Variants in THADA observed in about 807,000 individuals in gnomAD.
THADA encodes THADA armadillo repeat containing.
In THADA, 213 loss-of-function variants were observed where a neutral mutation model predicts 219.8. The ratio of observed to expected loss-of-function variants is 0.97; its 90% CI spans 0.87 to 1.09. The LOEUF is 1.09. THADA is among the 50% of genes least tolerant of loss of function. The pLI is 0.00. For synonymous variants in THADA, 1,018 were observed against 828.9 expected, an observed-to-expected ratio of 1.23 and a Z score of -3.92; for missense variants, 2,956 against 2,311.3, an observed-to-expected ratio of 1.28 and a Z score of -5.72.
chr2:43,516,998 T>G (rs1402211782), intron 22 of THADA, among the ~76,000 whole-genome samples: 3 of 152,214 alleles, frequency 2.0e-5, no homozygotes, highest in Non-Finnish European at 4.4e-5. Context: ...TCATGTTTTA[T>G]TCAGGTTACT....
At chr2:43,490,928 C>T (rs969773412) in intron 25 of THADA, among the ~76,000 whole-genome samples, 2 of 152,060 alleles carry the variant, frequency 1.3e-5, no homozygotes, top group Non-Finnish European at 2.9e-5. Context: ...AAAATACATA[C>T]TCTGTTTTAG....
chr2:43,423,237 C>T (rs1276896724), intron 28 of THADA, among the ~76,000 whole-genome samples: 1 of 152,030 alleles, frequency 6.6e-6, no homozygotes, highest in African/African-American at 2.4e-5. Flanking sequence ...ATCTAGCTTG[C>T]CTTCATTTTT....
At chr2:43,434,198 A>C (rs530409240) in intron 26 of THADA, among the ~76,000 whole-genome samples, 2 of 152,336 alleles carry the variant, frequency 1.3e-5, no homozygotes, top group African/African-American at 4.8e-5. Flanking sequence ...ACACGTATAA[A>C]ACTTGATTTG....
At chr2:43,433,668 G>C (rs879193813) in intron 26 of THADA, among the ~76,000 whole-genome samples, 7 of 152,148 alleles carry the variant, frequency 4.6e-5, no homozygotes, top group African/African-American at 1.7e-4. Flanking sequence ...GTGTGTGTGT[G>C]TGTGTCTGCA....
At chr2:43,288,733 T>C (rs948193073) in intron 34 of THADA, among the ~76,000 whole-genome samples, 4 of 152,246 alleles carry the variant, frequency 2.6e-5, no homozygotes, top group Admixed American at 6.5e-5. Context: ...ATTTAAATCA[T>C]TGGACATCGG....
At chr2:43,475,436 A>C (rs1450280663) in intron 26 of THADA, among the ~76,000 whole-genome samples, 6 of 151,884 alleles carry the variant, frequency 4.0e-5, no homozygotes, top group African/African-American at 1.2e-4. Flanking sequence ...AAAAAAAAAA[A>C]AAAAAAAAAA....
At chr2:43,526,334 A>T (rs1294691398) in intron 22 of THADA, among the ~76,000 whole-genome samples, 1 of 91,522 alleles carries the variant, frequency 1.1e-5, no homozygotes, top group Non-Finnish European at 2.2e-5. Context: ...CAGTAAATCT[A>T]TTTCCAAGAC....
At chr2:43,428,337 G>A (rs1437227844) in intron 27 of THADA, 106 bp from the exon 28 acceptor site, 14 of 1,128,556 alleles carry the variant, frequency 1.2e-5, no homozygotes, top group African/African-American at 1.6e-5. Flanking sequence ...GCCGGGTGCG[G>A]TGACTAATGC....
At chr2:43,441,934 T>C (rs1275948913) in intron 26 of THADA, among the ~76,000 whole-genome samples, 1 of 152,180 alleles carries the variant, frequency 6.6e-6, no homozygotes, top group Non-Finnish European at 1.5e-5. Flanking sequence ...TTGGGCGCAA[T>C]CCTATGGGAG....
intron 29 of THADA, among the ~76,000 whole-genome samples, chr2:43,367,066 G>A (rs956536929): frequency 1.3e-5 from 2 of 152,174 alleles, no homozygotes; most frequent in African/African-American, 2.4e-5. Flanking sequence ...ATAATACAAA[G>A]TGAAGCTAGT....
chr2:43,393,475 G>C (rs1450398455), intron 29 of THADA, among the ~76,000 whole-genome samples: 1 of 152,142 alleles, frequency 6.6e-6, no homozygotes, highest in Non-Finnish European at 1.5e-5. Flanking sequence ...GGGAGGCCGA[G>C]GTTGGGGGGA....
chr2:43,343,698 C>T (rs1573170993), intron 30 of THADA: 1 of 153,506 alleles, frequency 6.5e-6, no homozygotes, highest in Admixed American at 6.5e-5. Context: ...CTTCCATCCC[C>T]TCTTGCTATT....
intron 36 of THADA, among the ~76,000 whole-genome samples, chr2:43,248,061 C>CAAAA (rs895801545): frequency 1.4e-5 from 2 of 138,042 alleles, no homozygotes; most frequent in Non-Finnish European, 3.1e-5. Context: ...ACAAAACAAA[C>CAAAA]AAAAAAAAAG....
chr2:43,284,373 C>T (rs1673735420), intron 35 of THADA, among the ~76,000 whole-genome samples: 1 of 152,170 alleles, frequency 6.6e-6, no homozygotes, highest in African/African-American at 2.4e-5. Context: ...GTCCCAGCTG[C>T]TCTAGCTCCA....
chr2:43,407,914 T>A (rs1377479507), intron 28 of THADA, among the ~76,000 whole-genome samples: 2 of 150,752 alleles, frequency 1.3e-5, no homozygotes, highest in South Asian at 4.2e-4. Context: ...AAATAAAATG[T>A]CCTGTGCCAA....
chr2:43,408,967 A>G (rs1277701964), intron 28 of THADA, among the ~76,000 whole-genome samples: 1 of 152,190 alleles, frequency 6.6e-6, no homozygotes, highest in Non-Finnish European at 1.5e-5. Flanking sequence ...TACACAGAGG[A>G]AAACCCTTCA....
At chr2:43,528,126 CTTTTTTTTTTTTT>C in intron 21 of THADA, 138 bp from the exon 22 acceptor site, 1 of 162,116 alleles carries the variant, frequency 6.2e-6, no homozygotes, top group Non-Finnish European at 1.1e-5. Context: ...ATGTTTTAAG[CTTTTTTTTTTTTT>C]TTTTTTTTTG....
chr2:43,444,480 G>A lies in THADA; in HGVS notation c.3837-14178C>T, dbSNP rs550779014. ...ACATCTAATCTTGGTAATGCCAAGG[G>A]TCTAGTTCTTGAGTTTTTAGAGCAT... On this transcript the variant is annotated intron_variant, in intron 26 of 37. Coordinates refer to ENST00000405975, the MANE Select transcript of THADA (RefSeq NM_022065.5). Among the ~76,000 whole-genome samples, 3 of 152,240 alleles carry A rather than the reference G, an allele frequency of 2.0e-5. No homozygotes were observed. In the East Asian group the frequency reaches 5.8e-4, roughly 29 times the overall value.
At chr2:43,413,326 C>CCA (rs1301606564) in intron 28 of THADA, among the ~76,000 whole-genome samples, 1 of 152,232 alleles carries the variant, frequency 6.6e-6, no homozygotes, top group East Asian at 1.9e-4. Context: ...AACCCCACCA[C>CCA]CACCCCCGCC....
Sources: allele counts gnomAD v4.1 joint callset (sites outside exome capture counted in the v4.1 genomes callset), GRCh38; gene constraint gnomAD v4.1.1; transcripts MANE v1.5; gene names NCBI Gene and HGNC (gene_info 2026-07-23, HGNC 2026-07-21).